Variants in PRSS1 observed in about 807,000 individuals in gnomAD.
PRSS1 encodes the protein serine protease 1.
Under a neutral mutation model 24.2 loss-of-function variants are expected in PRSS1, and 22 were observed. The observed-to-expected ratio is 0.91, with a 90% CI of 0.65 to 1.30. PRSS1 has a LOEUF of 1.30. Ranked by LOEUF, PRSS1 falls within the 50% of genes most tolerant of loss-of-function variation. The probability of loss-of-function intolerance (pLI) is 0.00; values close to 1 mark genes in which losing one functional copy is unlikely to be tolerated. For synonymous variants in PRSS1, 126 were observed against 116.1 expected (o/e 1.08, Z -0.55); for missense variants, 366 against 304.2 (o/e 1.20, Z -1.51).
At chr7:142,749,960 T>C (rs1472160843) in intron 1 of PRSS1, among the ~76,000 whole-genome samples, 3 of 152,202 alleles carry the variant, frequency 2.0e-5, no homozygotes, top group African/African-American at 7.2e-5. Flanking sequence ...TGTTCTGGGC[T>C]TTTAAGCTTC....
At chr7:142,750,348 C>T (rs1019519225) in intron 1 of PRSS1, among the ~76,000 whole-genome samples, 7 of 147,992 alleles carry the variant, frequency 4.7e-5, no homozygotes, top group Non-Finnish European at 9.1e-5. Context: ...TCGGATCCTC[C>T]GCAGGGTACC....
Position 142,751,842 on chromosome 7 carries a change from C to T in PRSS1, c.269C>T (p.Ala90Val), listed in dbSNP as rs984312649. 1.9e-6 allele frequency: 3 copies of T among 1,614,110 alleles called. No individual in the cohort carries two copies. In the South Asian group the frequency reaches 3.3e-5, roughly 18 times the overall value. The part of the protein sequence containing the change: ...VLEGNEQFIN[A>V]AKIIRHPQYD... Reference sequence around the variant, plus strand: ...GAGGGGAATGAGCAGTTCATCAATGCAGCCAAGATCATCCGCCACCCCCAA... The same window carrying T: ...GAGGGGAATGAGCAGTTCATCAATGTAGCCAAGATCATCCGCCACCCCCAA... Residue 90 changes from alanine to valine, a missense_variant, in exon 3 of 5, where the codon GCA becomes GTA. Physicochemically the swap from Ala to Val is moderately conservative, Grantham distance 64. Transcript: ENST00000311737.
intron 2 of PRSS1, 151 bp from the exon 3 acceptor site, chr7:142,751,623 C>T: frequency 7.0e-7 from 1 of 1,438,796 alleles, no homozygotes; most frequent in Non-Finnish European, 9.5e-7. Context: ...CACTGACCCA[C>T]ATCCCTCTGC....
intron 2 of PRSS1, chr7:142,750,929 T>C (rs1798658541): frequency 2.5e-6 from 2 of 793,340 alleles, no homozygotes; most frequent in Non-Finnish European, 4.3e-6. Context: ...AGGGTTGTGG[T>C]CATAAAAGCA....
At chr7:142,751,677 G>A (rs1314261049) in intron 2 of PRSS1, 97 bp from the exon 3 acceptor site, 1 of 1,611,426 alleles carries the variant, frequency 6.2e-7, no homozygotes, top group Non-Finnish European at 8.5e-7. Context: ...TGCCTCCAGA[G>A]CTGTCCATGA....
At position 142,752,463 on chromosome 7, in the gene PRSS1, G is replaced by T; in HGVS notation, c.487G>T (p.Ala163Ser). 2 of 1,614,098 alleles carry T rather than the reference G, an allele frequency of 1.2e-6. No individual in the cohort carries two copies. Among genetic ancestry groups the T allele is most frequent in the Non-Finnish European group, 1.7e-6 (2 of 1,179,948 alleles). ...CCCAGACGAGCTGCAGTGCCTGGAT[G>T]CTCCTGTGCTGAGCCAGGCTAAGTG... ...DYPDELQCLD[A>S]PVLSQAKCEA... is the part of the protein sequence containing the mutation. The change falls in exon 4 of 5, where the codon GCT becomes TCT. Residue 163 changes from alanine (A) to serine (S), a missense_variant. Coordinates refer to ENST00000311737, the MANE Select transcript of PRSS1 (RefSeq NM_002769.5).
At chr7:142,752,108 C>G in intron 3 of PRSS1, 81 bp downstream of exon 3, 3 of 1,594,994 alleles carry the variant, frequency 1.9e-6, no homozygotes, top group Non-Finnish European at 2.6e-6. Context: ...CTTGAATCCT[C>G]TCACCTCCAG....
chr7:142,751,614 A>C, intron 2 of PRSS1, 160 bp from the exon 3 acceptor site: 2 of 1,358,738 alleles, frequency 1.5e-6, no homozygotes, highest in Non-Finnish European at 2.0e-6. Context: ...TCATACCTTC[A>C]CTGACCCACA....
At chr7:142,749,606 C>A (rs188700285) in intron 1 of PRSS1, 82 bp downstream of exon 1, 2,611 of 1,513,060 alleles carry the variant, frequency 1.7e-3, no homozygotes, top group Non-Finnish European at 2.0e-3. Context: ...ACCACCTCTC[C>A]TCTTTTGACT....
intron 1 of PRSS1, among the ~76,000 whole-genome samples, chr7:142,750,244 T>A (rs1056208007): frequency 3.9e-5 from 6 of 152,116 alleles, no homozygotes; most frequent in Non-Finnish European, 8.8e-5. Context: ...AGAGAAGCAC[T>A]CAGTGGGAGA....
chr7:142,751,694 A>G (rs1048642797), intron 2 of PRSS1, 80 bp from the exon 3 acceptor site: 27 of 1,613,410 alleles, frequency 1.7e-5, no homozygotes, highest in South Asian at 5.5e-5. Flanking sequence ...ATGAGCAGAG[A>G]GCTTGAGGAA....
intron 4 of PRSS1, 148 bp from the exon 5 acceptor site, chr7:142,752,720 G>A: frequency 6.7e-7 from 1 of 1,500,926 alleles, no homozygotes; most frequent in Non-Finnish European, 9.3e-7. Context: ...GCTGCATCTT[G>A]TCTGCTTAGG....
In PRSS1 at chr7:142,752,480, G is replaced by C. The variant is rs1367226833; in HGVS notation, c.504G>C (p.Gln168His). The C allele has an allele frequency of 1.9e-6, 3 of 1,614,058 alleles. No individual in the cohort carries two copies. Among genetic ancestry groups the C allele is most frequent in the East Asian group, 2.2e-5 (1 of 44,882 alleles). ...GCCTGGATGCTCCTGTGCTGAGCCA[G>C]GCTAAGTGTGAAGCCTCCTACCCTG... ...LQCLDAPVLS[Q>H]AKCEASYPGK... Residue 168 changes from glutamine to histidine, a missense_variant, in exon 4 of 5, where the codon CAG (glutamine) becomes CAC (histidine). Transcript: ENST00000311737.
At chr7:142,752,168 A>T in intron 3 of PRSS1, 141 bp downstream of exon 3, 1 of 1,380,220 alleles carries the variant, frequency 7.2e-7, no homozygotes, top group Non-Finnish European at 1.0e-6. Flanking sequence ...TGCACTGGGC[A>T]CCAGAGAGAT....
In PRSS1 at chr7:142,751,850, A is replaced by T. The variant is rs1484477439; in HGVS notation, c.277A>T (p.Ile93Phe). 3.1e-6 allele frequency: 5 copies of T among 1,613,954 alleles called. No individual in the cohort carries two copies. Among genetic ancestry groups the T allele is most frequent in the Non-Finnish European group, 4.2e-6 (5 of 1,180,018 alleles). ...TGAGCAGTTCATCAATGCAGCCAAG[A>T]TCATCCGCCACCCCCAATACGACAG... is the stretch of plus-strand genomic sequence containing the variant. ...GNEQFINAAK[I>F]IRHPQYDRKT... Residue 93 changes from isoleucine (I) to phenylalanine (F), a missense_variant, in exon 3 of 5, where the codon ATC (isoleucine) becomes TTC (phenylalanine). By Grantham distance (21) the Ile-to-Phe change is conservative (BLOSUM62 0). Coordinates refer to ENST00000311737, the MANE Select transcript of PRSS1 (RefSeq NM_002769.5).
At position 142,751,968 on chromosome 7, in the gene PRSS1, C is replaced by G; in HGVS notation, c.395C>G (p.Pro132Arg). The G allele has an allele frequency of 1.2e-6, 2 of 1,614,120 alleles. No homozygotes were observed. Among genetic ancestry groups the G allele is most frequent in the Non-Finnish European group, 1.7e-6 (2 of 1,180,008 alleles). ...TCCACCATCTCTCTGCCCACCGCCCCTCCAGCCACTGGCACGAAGTGCCTC... is the reference window on the plus strand; with the variant it reads ...TCCACCATCTCTCTGCCCACCGCCCGTCCAGCCACTGGCACGAAGTGCCTC... The part of the protein sequence containing the change: ...RVSTISLPTA[P>R]PATGTKCLIS... The change falls in exon 3 of 5, where the codon CCT becomes CGT. Residue 132 changes from proline (P) to arginine (R), a missense_variant. Physicochemically the swap from Pro to Arg is moderately radical, Grantham distance 103. Coordinates refer to ENST00000311737, the MANE Select transcript of PRSS1 (RefSeq NM_002769.5).
Position 142,750,673 on chromosome 7 carries a change from C to G in PRSS1, c.159C>G (p.Ile53Met). Residue 53 changes from isoleucine to methionine, a missense_variant, in exon 2 of 5, where the codon ATC becomes ATG. Coordinates refer to ENST00000311737, the MANE Select transcript of PRSS1 (RefSeq NM_002769.5). ...SGYHFCGGSL[I>M]NEQWVVSAGH... ...ACCACTTCTGTGGTGGCTCCCTCAT[C>G]AACGAACAGTGGGTGGTATCAGCAG... is the stretch of plus-strand genomic sequence containing the variant. 1 of 1,613,128 alleles carries G rather than the reference C, an allele frequency of 6.2e-7. No individual in the cohort carries two copies. Among genetic ancestry groups the G allele is most frequent in the Non-Finnish European group, 8.5e-7 (1 of 1,179,208 alleles).
chr7:142,751,177 A>T, intron 2 of PRSS1: 1 of 683,076 alleles, frequency 1.5e-6, no homozygotes. Flanking sequence ...ACTGCTGCCT[A>T]CACCAAGAAC....
At chr7:142,752,087 A>T in intron 3 of PRSS1, 60 bp downstream of exon 3, 1 of 1,610,114 alleles carries the variant, frequency 6.2e-7, no homozygotes, top group African/African-American at 1.3e-5. Context: ...AGAACAAACC[A>T]TGCCCCTTAA....
Sources: allele counts gnomAD v4.1 joint callset (sites outside exome capture counted in the v4.1 genomes callset), GRCh38; gene constraint gnomAD v4.1.1; transcripts MANE v1.5; gene names NCBI Gene and HGNC (gene_info 2026-07-23, HGNC 2026-07-21).